ERBB4: variants seen among roughly 807,000 people sequenced by gnomAD.
The protein encoded by ERBB4 is receptor tyrosine-protein kinase erbB-4.
ERBB4 carries 42 observed loss-of-function variants against 158.0 expected under a neutral mutation model. The ratio of observed to expected loss-of-function variants is 0.27; its 90% confidence interval spans 0.21 to 0.34. The LOEUF (loss-of-function observed/expected upper bound fraction) is 0.34. Among genes scored for constraint, ERBB4 ranks in the 10% least tolerant of loss-of-function variants. ERBB4 has a pLI of 1.00. For synonymous variants in ERBB4, 583 were observed against 558.7 expected, an observed-to-expected ratio of 1.04 and a Z score of -0.61; for missense variants, 1,333 against 1,624.1, an observed-to-expected ratio of 0.82 and a Z score of 3.08.
intron 1 of ERBB4, among the ~76,000 whole-genome samples, chr2:212,315,905 T>C (rs1316724247): frequency 6.6e-6 from 1 of 151,536 alleles, no homozygotes; most frequent in Non-Finnish European, 1.5e-5. Context: ...CATTACAATA[T>C]GAAGCTAAAT....
intron 1 of ERBB4, among the ~76,000 whole-genome samples, chr2:212,171,321 CTTG>C (rs2081511233): frequency 1.1e-5 from 1 of 88,740 alleles, no homozygotes; most frequent in Admixed American, 1.1e-4. Flanking sequence ...AAGTAACTAA[CTTG>C]TTTTTTTTTT....
intron 1 of ERBB4, among the ~76,000 whole-genome samples, chr2:212,379,865 G>A (rs1344292855): frequency 6.7e-6 from 1 of 150,368 alleles, no homozygotes; most frequent in African/African-American, 2.4e-5. Flanking sequence ...TACTACCAAT[G>A]GGAGGCTGAA....
At chr2:212,408,582 G>A (rs952707158) in intron 1 of ERBB4, among the ~76,000 whole-genome samples, 10 of 152,030 alleles carry the variant, frequency 6.6e-5, no homozygotes, top group African/African-American at 2.4e-4. Context: ...GTTCAAAGCT[G>A]TAGTGAACTA....
At chr2:212,225,535 G>A (rs2083443158) in intron 1 of ERBB4, among the ~76,000 whole-genome samples, 1 of 151,794 alleles carries the variant, frequency 6.6e-6, no homozygotes, top group Non-Finnish European at 1.5e-5. Context: ...AAAATCACTA[G>A]TATTTTGTCA....
rs574354868 is a variant in ERBB4, at chr2:211,425,709, T to C, written c.2720-1408A>G. ...TATCTATTTTGTATTTTAGACAGGG[T>C]CTCAATCTGTCACTCAGAATGGAAT... On this transcript the variant is annotated intron_variant, in intron 22 of 27. Coordinates refer to ENST00000342788, the MANE Select transcript of ERBB4 (RefSeq NM_005235.3). Among the ~76,000 whole-genome samples, 3 of 152,190 alleles carry C rather than the reference T, an allele frequency of 2.0e-5. No individual in the cohort carries two copies. The South Asian group carries it at 6.2e-4, about 32-fold the overall frequency.
chr2:212,123,783 A>G (rs1363219447), intron 2 of ERBB4, among the ~76,000 whole-genome samples: 1 of 152,236 alleles, frequency 6.6e-6, no homozygotes, highest in Non-Finnish European at 1.5e-5. Flanking sequence ...ATCTAAGTAT[A>G]GAATTATTAA....
At chr2:212,338,981 A>G (rs772097294) in intron 1 of ERBB4, among the ~76,000 whole-genome samples, 2 of 152,132 alleles carry the variant, frequency 1.3e-5, no homozygotes, top group Non-Finnish European at 2.9e-5. Flanking sequence ...CACTTTCAAA[A>G]AATGTTCCTA....
At chr2:212,040,016 G>A (rs947153871) in intron 2 of ERBB4, among the ~76,000 whole-genome samples, 4 of 145,158 alleles carry the variant, frequency 2.8e-5, no homozygotes, top group South Asian at 2.2e-4. Context: ...AGTGAACTAT[G>A]TTTTTTTTTT....
chr2:212,394,727 T>C (rs1286745714), intron 1 of ERBB4, among the ~76,000 whole-genome samples: 1 of 152,146 alleles, frequency 6.6e-6, no homozygotes, highest in Admixed American at 6.6e-5. Context: ...CTAGAAAATT[T>C]ATAAAATGAA....
intron 1 of ERBB4, among the ~76,000 whole-genome samples, chr2:212,485,277 A>G (rs1360159434): frequency 6.6e-6 from 1 of 152,106 alleles, no homozygotes; most frequent in Non-Finnish European, 1.5e-5. Context: ...CTTTATTTCC[A>G]GTTCTTTACA....
At chr2:212,494,204 C>T (rs575253018) in intron 1 of ERBB4, among the ~76,000 whole-genome samples, 4 of 151,970 alleles carry the variant, frequency 2.6e-5, no homozygotes, top group Admixed American at 6.6e-5. Context: ...AACTGACAAA[C>T]CCAAGTAAAT....
intron 7 of ERBB4, among the ~76,000 whole-genome samples, chr2:211,721,665 A>G (rs1048408415): frequency 1.4e-5 from 2 of 147,524 alleles, no homozygotes; most frequent in Admixed American, 1.3e-4. Context: ...TTTAAGGTTA[A>G]CTTGATATTA....
At chr2:212,122,570 T>C (rs1385276038) in intron 2 of ERBB4, among the ~76,000 whole-genome samples, 4 of 152,162 alleles carry the variant, frequency 2.6e-5, no homozygotes, top group African/African-American at 9.6e-5. Context: ...CAGGCAGAAA[T>C]CTTGACCCTC....
intron 12 of ERBB4, among the ~76,000 whole-genome samples, chr2:211,701,066 TA>T (rs952259372): frequency 1.3e-5 from 2 of 152,160 alleles, no homozygotes; most frequent in East Asian, 3.9e-4. Context: ...GTCATGTGCC[TA>T]CAAAAGCATT....
chr2:211,389,229 G>A (rs941539036), intron 25 of ERBB4, among the ~76,000 whole-genome samples: 8 of 152,106 alleles, frequency 5.3e-5, no homozygotes, highest in Middle Eastern at 3.2e-3. Flanking sequence ...TAGAGACGGG[G>A]TTTCACCATG....
At chr2:212,316,185 T>C (rs547527527) in intron 1 of ERBB4, among the ~76,000 whole-genome samples, 2 of 151,576 alleles carry the variant, frequency 1.3e-5, no homozygotes, top group South Asian at 4.1e-4. Context: ...CCTAATACTA[T>C]CCTCAAAAAC....
chr2:211,421,049 G>T (rs1196329297), intron 24 of ERBB4, among the ~76,000 whole-genome samples: 1 of 151,872 alleles, frequency 6.6e-6, no homozygotes, highest in Non-Finnish European at 1.5e-5. Flanking sequence ...TTATTCTATA[G>T]CATACTGACT....
chr2:211,945,325 G>T (rs2125132506), intron 3 of ERBB4, among the ~76,000 whole-genome samples: 1 of 152,128 alleles, frequency 6.6e-6, no homozygotes, highest in South Asian at 2.1e-4. Flanking sequence ...AATACCTAAA[G>T]TTCAATGACC....
At chr2:211,856,398 T>TTATTTATTTATCTATC (rs1553646934) in intron 3 of ERBB4, among the ~76,000 whole-genome samples, 285 of 145,214 alleles carry the variant, frequency 2.0e-3, no homozygotes, top group African/African-American at 6.9e-3. Context: ...ATTTATTTAT[T>TTATTTATTTATCTATC]TATCTGAGAT....
Sources: gnomAD v4.1 joint callset for allele counts (sites outside exome capture counted in the v4.1 genomes callset) on GRCh38, gnomAD v4.1.1 for gene constraint, MANE v1.5 for transcripts, NCBI Gene and HGNC (gene_info 2026-07-23, HGNC 2026-07-21) for gene names.